SLC3A2: variants seen among roughly 807,000 people sequenced by gnomAD.
SLC3A2 encodes solute carrier family 3 member 2, also known as amino acid transporter heavy chain SLC3A2.
A neutral mutation model predicts 48.5 loss-of-function variants in SLC3A2; 32 were observed. The observed-to-expected ratio is 0.66, with a 90% CI of 0.50 to 0.89. The LOEUF (loss-of-function observed/expected upper bound fraction) is 0.89. Ranked by LOEUF, SLC3A2 falls within the 40% of genes least tolerant of loss-of-function variation. The probability of loss-of-function intolerance (pLI) is 0.00; values close to 1 mark genes in which losing one functional copy is unlikely to be tolerated. For missense variants in SLC3A2, 587 were observed against 680.7 expected, an observed-to-expected ratio of 0.86 and a Z score of 1.53; for synonymous variants, 277 against 288.8, an observed-to-expected ratio of 0.96 and a Z score of 0.41.
chr11:62,856,222 G>A, exon 1 of SLC3A2: 1 of 1,489,298 alleles, frequency 6.7e-7, no homozygotes, highest in African/African-American at 1.4e-5. Context: ...CCTGTTCTGA[G>A]CTGCCCCTTG....
chr11:62,882,417 A>AAAG (rs1241292399), intron 2 of SLC3A2: 2 of 273,906 alleles, frequency 7.3e-6, no homozygotes, highest in Admixed American at 9.9e-5. Context: ...ACATGTTTAA[A>AAAG]AAGGTTCACT....
At position 62,884,617 on chromosome 11, in the gene SLC3A2, C is replaced by CT. The variant is rs1379851756; in HGVS notation, c.760-9dup. 2 of 1,611,258 alleles carry CT rather than the reference C, an allele frequency of 1.2e-6. No individual in the cohort carries two copies. Among genetic ancestry groups the CT allele is most frequent in the South Asian group, 2.2e-5 (2 of 90,954 alleles). ...TAATATTCTCTGGTCCTTGATTCTGCTTTTTTCTTTCTAGGATGCATCCTC... is the reference window on the plus strand; with the variant it reads ...TAATATTCTCTGGTCCTTGATTCTGCTTTTTTTCTTTCTAGGATGCATCCTC... On this transcript the variant is annotated splice_polypyrimidine_tract_variant and intron_variant, in intron 4 of 8. Coordinates refer to ENST00000338663, the MANE Select transcript of SLC3A2 (RefSeq NM_001013251.3).
chr11:62,880,065 C>G (rs79851315), upstream of SLC3A2, among the ~76,000 whole-genome samples: 505 of 152,230 alleles, frequency 3.3e-3, 1 homozygote, highest in African/African-American at 0.012. Context: ...CCTCTGAGAC[C>G]TAGCTCTGTT....
intron 1 of SLC3A2, among the ~76,000 whole-genome samples, chr11:62,866,192 A>G (rs1236515531): frequency 6.7e-6 from 1 of 149,106 alleles, no homozygotes; most frequent in South Asian, 2.1e-4. Flanking sequence ...ATCTTGGCTC[A>G]TTGCAACCTC....
chr11:62,879,492 C>G (rs1302758164), upstream of SLC3A2, among the ~76,000 whole-genome samples: 1 of 152,192 alleles, frequency 6.6e-6, no homozygotes, highest in African/African-American at 2.4e-5. Flanking sequence ...CCTTGGATCT[C>G]TTATTATCTT....
rs1255609987 is a variant in SLC3A2 at position 62,880,908 on chromosome 11, C to T, written c.-116C>T. 9 of 1,451,542 alleles carry T rather than the reference C, an allele frequency of 6.2e-6. No homozygotes were observed. Among genetic ancestry groups the T allele is most frequent in the Non-Finnish European group, 8.2e-6 (9 of 1,101,926 alleles). 89.9% of individuals were successfully genotyped at this position (1,451,542 alleles called of 1,614,324 possible). On this transcript the variant is annotated 5_prime_UTR_variant, in exon 1 of 9. Coordinates refer to ENST00000338663, the MANE Select transcript of SLC3A2 (RefSeq NM_001013251.3). ...CCTGCTGCTGAGCAGATGCAGTAGCCGAAACTGCGCGGAGGCACAGAGGCC... is the reference window on the plus strand; with the variant it reads ...CCTGCTGCTGAGCAGATGCAGTAGCTGAAACTGCGCGGAGGCACAGAGGCC...
intron 1 of SLC3A2, chr11:62,870,854 TA>T (rs779220047): frequency 0.064 from 8,523 of 132,576 alleles, 197 homozygotes; most frequent in African/African-American, 0.089. Context: ...ATAATAATAA[TA>T]ATTATTATTA....
At chr11:62,866,306 CGG>C (rs1338892134) in intron 1 of SLC3A2, among the ~76,000 whole-genome samples, 1 of 150,322 alleles carries the variant, frequency 6.7e-6, no homozygotes, top group African/African-American at 2.5e-5. Flanking sequence ...TTAGTAGAGA[CGG>C]GGTTTCACCA....
chr11:62,873,677 G>A (rs1448013609), intron 1 of SLC3A2, among the ~76,000 whole-genome samples: 4 of 152,246 alleles, frequency 2.6e-5, no homozygotes, highest in South Asian at 4.1e-4. Flanking sequence ...GTCTTGCTAC[G>A]TGGCCCTGTC....
At position 62,885,346 on chromosome 11, in the gene SLC3A2, T is replaced by C; in HGVS notation, c.988T>C (p.Cys330Arg). 6.2e-7 allele frequency: 1 copy of C among 1,614,190 alleles called. No individual in the cohort carries two copies. Among genetic ancestry groups the C allele is most frequent in the Non-Finnish European group, 8.5e-7 (1 of 1,180,036 alleles). ...QYLNATGNRW[C>R]SWSLSQARLL... ...TTTGAATGCCACTGGCAATCGCTGGTGCAGCTGGAGTGTGAGTACCATGCT... is the reference window on the plus strand; with the variant it reads ...TTTGAATGCCACTGGCAATCGCTGGCGCAGCTGGAGTGTGAGTACCATGCT... The change falls in exon 6 of 9, where the codon TGC (cysteine) becomes CGC (arginine). Residue 330 changes from cysteine to arginine, a missense_variant. Transcript: ENST00000338663.
intron 1 of SLC3A2, among the ~76,000 whole-genome samples, chr11:62,874,602 G>C (rs576529110): frequency 6.6e-6 from 1 of 152,092 alleles, no homozygotes. Flanking sequence ...AGCAGCCAGT[G>C]TCCCTCCTAT....
At chr11:62,877,130 G>A (rs1186832066), upstream of SLC3A2, among the ~76,000 whole-genome samples, 2 of 149,392 alleles carry the variant, frequency 1.3e-5, no homozygotes, top group Admixed American at 1.3e-4. Context: ...GTGCGATCTG[G>A]GCTCACTGCA....
chr11:62,881,786 C>A lies in SLC3A2; in HGVS notation c.425-107C>A. 1.4e-5 allele frequency: 18 copies of A among 1,289,860 alleles called. No homozygotes were observed. Among genetic ancestry groups the A allele is most frequent in the Non-Finnish European group, 1.6e-5 (15 of 925,412 alleles). 79.9% of individuals were successfully genotyped at this position (1,289,860 alleles called of 1,614,324 possible). On this transcript the variant is annotated intron_variant, in intron 1 of 8. Coordinates refer to ENST00000338663, the MANE Select transcript of SLC3A2 (RefSeq NM_001013251.3). The surrounding 1 kb of genome is among the most constrained non-coding windows in gnomAD (Gnocchi z 4.0). ...GATTCAGCCTTGCCTCCCTCTCTCC[C>A]CCTTTGCCCCCTCCCCGTCCCACCC... is the stretch of plus-strand genomic sequence containing the variant.
rs768554379 is a variant in SLC3A2, at chr11:62,885,438, G to A, written c.1000-27G>A. The A allele has an allele frequency of 2.5e-6, 4 of 1,614,130 alleles. No individual in the cohort carries two copies. The Admixed American group carries it at 6.7e-5, about 27-fold the overall frequency. The stretch of plus-strand genomic sequence containing the variant: ...AGACAGAGGCAGAGGTGGGTTATGG[G>A]GCTCACTGGAGTGTCTCTCCCTGTA... On this transcript the variant is annotated intron_variant, in intron 6 of 8. Transcript: ENST00000338663.
chr11:62,881,901 G>A lies in SLC3A2; in HGVS notation c.433G>A (p.Gly145Arg), dbSNP rs116161785. ...CCCAGCCCCCATTTCAGGTCTGAAG[G>A]GGCGTCTCGATTACCTGAGCTCTCT... ...HGAGNLAGLK[G>R]RLDYLSSLKV... Residue 145 changes from glycine (G) to arginine (R), a missense_variant, in exon 2 of 9, where the codon GGG becomes AGG. Transcript: ENST00000338663. This position sits in a 1 kb window ranked among gnomAD's most constrained non-coding sequence, Gnocchi z 4.0. 6.2e-7 allele frequency: 1 copy of A among 1,614,010 alleles called. No homozygotes were observed. Among genetic ancestry groups the A allele is most frequent in the African/African-American group, 1.3e-5 (1 of 75,024 alleles).
chr11:62,859,354 G>A (rs1313585399), intron 1 of SLC3A2, among the ~76,000 whole-genome samples: 1 of 152,172 alleles, frequency 6.6e-6, no homozygotes, highest in Admixed American at 6.6e-5. Context: ...GGGGTTGGGG[G>A]TAAGGTCACA....
intron 1 of SLC3A2, among the ~76,000 whole-genome samples, chr11:62,867,587 C>T (rs776745212): frequency 6.8e-5 from 10 of 146,884 alleles, no homozygotes; most frequent in Non-Finnish European, 1.2e-4. Flanking sequence ...GCCTCCCAAA[C>T]TGCTGGGATT....
At chr11:62,876,949 C>T, upstream of SLC3A2, 2 of 990,770 alleles carry the variant, frequency 2.0e-6, no homozygotes, top group Non-Finnish European at 2.4e-6. Context: ...TGTTTTCCTG[C>T]AGCAACAGGT....
At chr11:62,856,682 G>T (rs981785134) in intron 1 of SLC3A2, among the ~76,000 whole-genome samples, 1 of 152,194 alleles carries the variant, frequency 6.6e-6, no homozygotes. Context: ...AAGAGCTCCG[G>T]CGGTGCTGCC....
Sources: gnomAD v4.1 joint callset for allele counts (sites outside exome capture counted in the v4.1 genomes callset) on GRCh38, gnomAD v4.1.1 for gene constraint, Gnocchi (gnomAD v3.1) non-coding constraint, MANE v1.5 for transcripts, NCBI Gene and HGNC (gene_info 2026-07-23, HGNC 2026-07-21) for gene names.